The following CACNA1C variants were observed in gnomAD, a reference collection of about 807,000 sequenced individuals.
The protein encoded by CACNA1C is voltage-dependent L-type calcium channel subunit alpha-1C.
CACNA1C carries 30 observed loss-of-function variants against 229.0 expected under a neutral mutation model. The observed-to-expected ratio is 0.13, with a 90% CI of 0.10 to 0.18. The LOEUF (loss-of-function observed/expected upper bound fraction) is 0.18. Among genes scored for constraint, CACNA1C ranks in the 10% least tolerant of loss-of-function variants. The pLI is 1.00. For missense variants in CACNA1C, 1,658 were observed against 2,845.0 expected (o/e 0.58, Z 9.49); for synonymous variants, 1,114 against 1,132.5 (o/e 0.98, Z 0.33).
At chr12:2,140,994 G>T (rs1051143200) in intron 3 of CACNA1C, among the ~76,000 whole-genome samples, 1 of 151,166 alleles carries the variant, frequency 6.6e-6, no homozygotes, top group Non-Finnish European at 1.5e-5. Flanking sequence ...GGCAGGGAGG[G>T]TCTCTCTGAG....
At chr12:2,258,739 G>A (rs776161742) in intron 3 of CACNA1C, among the ~76,000 whole-genome samples, 11 of 152,050 alleles carry the variant, frequency 7.2e-5, no homozygotes, top group East Asian at 1.9e-4. Context: ...ATTTTAAGAC[G>A]CCTGAATATT....
rs1406977890 is a variant in CACNA1C at position 2,275,743 on chromosome 12, C to T, written c.477+155313C>T. 2.0e-5 allele frequency among the ~76,000 whole-genome samples: 3 copies of T among 152,178 alleles called. No homozygotes were observed. The highest frequency in any genetic ancestry group is 7.2e-5 in the African/African-American group (3 of 41,440). On this transcript the variant is annotated intron_variant, in intron 3 of 46. Coordinates refer to ENST00000399655, the MANE Select transcript of CACNA1C (RefSeq NM_000719.7). This position sits in a 1 kb window ranked among gnomAD's most constrained non-coding sequence, Gnocchi z 4.1. ...GGAAACCATCGTTAGGGCACGGAAG[C>T]ATAGGTGGGAGAAGACAGCCAGCAC...
intron 3 of CACNA1C, among the ~76,000 whole-genome samples, chr12:2,244,740 A>G (rs1404134567): frequency 6.6e-6 from 1 of 152,206 alleles, no homozygotes; most frequent in African/African-American, 2.4e-5. Flanking sequence ...CTCCCCCTGC[A>G]AGAATTCACT....
In CACNA1C at chr12:2,568,047, A is replaced by C. The variant is rs181932206; in HGVS notation, c.1895+253A>C. Among the ~76,000 whole-genome samples, 7 of 152,318 alleles carry C rather than the reference A, an allele frequency of 4.6e-5. No individual in the cohort carries two copies. In the South Asian group the frequency reaches 8.3e-4, roughly 18 times the overall value. ...GGGACTTATTCAGCCATGGAAAAAA[A>C]GTCCAGAGGCAGCTAGCTGAGGTGC... On this transcript the variant is annotated intron_variant, in intron 13 of 46. Coordinates refer to ENST00000399655, the MANE Select transcript of CACNA1C (RefSeq NM_000719.7).
intron 3 of CACNA1C, among the ~76,000 whole-genome samples, chr12:2,216,497 C>T (rs1042665278): frequency 1.3e-5 from 2 of 152,178 alleles, no homozygotes; most frequent in African/African-American, 4.8e-5. Flanking sequence ...GACTGGTTAT[C>T]AAACCCTCCT....
Position 2,674,417 on chromosome 12 carries a change from A to C in CACNA1C, c.4727-124A>C, listed in dbSNP as rs7954316. On this transcript the variant is annotated intron_variant, in intron 38 of 46. Transcript: ENST00000399655. ...ACTGGGGAGAAGTGAAGCAAGCAAGAAAGAAACTGATGAGTCAGGGTTGCG... is the reference window on the plus strand; with the variant it reads ...ACTGGGGAGAAGTGAAGCAAGCAAGCAAGAAACTGATGAGTCAGGGTTGCG... 629 of 1,366,576 alleles carry C rather than the reference A, an allele frequency of 4.6e-4. 2 individuals carry two copies. In the African/African-American group the frequency reaches 8.1e-3, roughly 18 times the overall value. The allele number at this position is 1,366,576 out of a possible 1,614,324, so 84.7% of individuals were successfully genotyped here. A position where few individuals can be genotyped will look rare whatever the true frequency, so the allele number is the denominator to read the frequency against.
chr12:2,223,054 T>G (rs1014137778), intron 3 of CACNA1C, among the ~76,000 whole-genome samples: 3 of 152,134 alleles, frequency 2.0e-5, no homozygotes, highest in Non-Finnish European at 4.4e-5. Flanking sequence ...CGCACATAAA[T>G]GCTGATGAAC....
intron 5 of CACNA1C, among the ~76,000 whole-genome samples, chr12:2,459,847 A>G (rs536599925): frequency 1.4e-4 from 22 of 152,204 alleles, no homozygotes; most frequent in Middle Eastern, 3.2e-3. Flanking sequence ...CCTGTTATCT[A>G]TGTATTTATT....
At chr12:2,046,609 T>TGGG (rs2051101381) in intron 1 of CACNA1C, among the ~76,000 whole-genome samples, 2 of 152,108 alleles carry the variant, frequency 1.3e-5, no homozygotes. Context: ...GTTCTGTCTT[T>TGGG]GGGGGCTAAG....
At chr12:2,250,072 T>C (rs1049946504) in intron 3 of CACNA1C, among the ~76,000 whole-genome samples, 3 of 151,896 alleles carry the variant, frequency 2.0e-5, no homozygotes, top group African/African-American at 7.3e-5. Context: ...CCTCCCAGAG[T>C]GCTGGGATTA....
At chr12:2,095,987 A>C (rs1312828509) in intron 1 of CACNA1C, among the ~76,000 whole-genome samples, 1 of 152,168 alleles carries the variant, frequency 6.6e-6, no homozygotes, top group African/African-American at 2.4e-5. Context: ...ACTTCTTTTC[A>C]TACTGGCTGT....
intron 3 of CACNA1C, among the ~76,000 whole-genome samples, chr12:2,211,270 C>G (rs1244464046): frequency 6.6e-6 from 1 of 152,244 alleles, no homozygotes; most frequent in Non-Finnish European, 1.5e-5. Context: ...TACCCACTTT[C>G]TTACACCTCA....
At chr12:2,298,141 A>G (rs1321033352) in intron 3 of CACNA1C, among the ~76,000 whole-genome samples, 1 of 152,220 alleles carries the variant, frequency 6.6e-6, no homozygotes, top group African/African-American at 2.4e-5. Context: ...TCAAAGCCTC[A>G]GTTTCCCCAT....
chr12:2,355,126 G>A (rs1327987270), intron 3 of CACNA1C, among the ~76,000 whole-genome samples: 2 of 152,188 alleles, frequency 1.3e-5, no homozygotes, highest in Non-Finnish European at 2.9e-5. Context: ...CGCACACACC[G>A]TCAGTGTGAA....
At chr12:2,637,238 G>C (rs1348168421) in intron 30 of CACNA1C, among the ~76,000 whole-genome samples, 2 of 152,092 alleles carry the variant, frequency 1.3e-5, no homozygotes, top group Non-Finnish European at 1.5e-5. Flanking sequence ...AGTGTGTTTT[G>C]AAGCTCAAAT....
intron 26 of CACNA1C, 178 bp downstream of exon 26, chr12:2,607,308 A>C: frequency 1.7e-6 from 1 of 598,784 alleles, no homozygotes; most frequent in Non-Finnish European, 2.8e-6. Flanking sequence ...CACTGCTGAA[A>C]CCGACTCTTC....
intron 3 of CACNA1C, among the ~76,000 whole-genome samples, chr12:2,296,814 T>C (rs535859326): frequency 6.6e-6 from 1 of 152,368 alleles, no homozygotes; most frequent in African/African-American, 2.4e-5. Flanking sequence ...TCTTTGTAAA[T>C]GTTCCACTGC....
At chr12:2,137,968 G>A (rs968930101) in intron 3 of CACNA1C, among the ~76,000 whole-genome samples, 6 of 151,444 alleles carry the variant, frequency 4.0e-5, no homozygotes, top group East Asian at 1.9e-4. Flanking sequence ...GAGCTCATGC[G>A]GGCCACTCCC....
At position 2,567,393 on chromosome 12, in the gene CACNA1C, G is replaced by C. The variant is rs371187536; in HGVS notation, c.1670-176G>C. On this transcript the variant is annotated intron_variant, in intron 12 of 46. Coordinates refer to ENST00000399655, the MANE Select transcript of CACNA1C (RefSeq NM_000719.7). Reference sequence around the variant, plus strand: ...AGTAAATGTCTGTTATGATTGTGACGAGAGAGCCCTTTCCCATTGGCTTGG... The same window carrying C: ...AGTAAATGTCTGTTATGATTGTGACCAGAGAGCCCTTTCCCATTGGCTTGG... Among the ~76,000 whole-genome samples the C allele has an allele frequency of 8.5e-5, 13 of 152,346 alleles. No homozygotes were observed. The East Asian group carries it at 2.5e-3, about 29-fold the overall frequency.
Sources: allele counts gnomAD v4.1 joint callset (sites outside exome capture counted in the v4.1 genomes callset), GRCh38; gene constraint gnomAD v4.1.1; non-coding constraint Gnocchi (gnomAD v3.1); transcripts MANE v1.5; gene names NCBI Gene and HGNC (gene_info 2026-07-23, HGNC 2026-07-21).